The following METAP2 variants were observed in gnomAD, a reference collection of about 807,000 sequenced individuals.
METAP2 encodes methionyl aminopeptidase 2.
METAP2 carries 25 observed loss-of-function variants against 59.4 expected under a neutral mutation model. That is an observed-to-expected ratio of 0.42 (90% CI 0.31 to 0.59). The LOEUF (loss-of-function observed/expected upper bound fraction) is 0.59. Among genes scored for constraint, METAP2 ranks in the 20% least tolerant of loss-of-function variants. The pLI is 0.16. For synonymous variants in METAP2, 214 were observed against 194.1 expected (o/e 1.10, Z -0.85); for missense variants, 366 against 581.2 (o/e 0.63, Z 3.81).
chr12:95,486,903 T>A (rs1017381017), intron 4 of METAP2, among the ~76,000 whole-genome samples: 1 of 152,204 alleles, frequency 6.6e-6, no homozygotes, highest in African/African-American at 2.4e-5. Context: ...AAGGATACAT[T>A]TAAAATGGTT....
intron 4 of METAP2, among the ~76,000 whole-genome samples, chr12:95,493,731 T>G (rs1431538808): frequency 2.0e-5 from 3 of 152,220 alleles, no homozygotes; most frequent in Non-Finnish European, 4.4e-5. Flanking sequence ...AAGGATGACT[T>G]TTTCCTACTT....
intron 9 of METAP2, among the ~76,000 whole-genome samples, chr12:95,512,442 C>T (rs906823767): frequency 7.2e-5 from 11 of 152,194 alleles, no homozygotes; most frequent in Admixed American, 5.9e-4. Context: ...CTCGGTAGCT[C>T]AGGCCTGTTA....
At chr12:95,505,403 C>T (rs2076350612) in intron 8 of METAP2, among the ~76,000 whole-genome samples, 1 of 152,190 alleles carries the variant, frequency 6.6e-6, no homozygotes, top group Non-Finnish European at 1.5e-5. Flanking sequence ...TCTCGGCTCA[C>T]TGCAACCTTT....
chr12:95,488,511 CAAAAAAAAAAAA>C (rs537119415), intron 4 of METAP2, among the ~76,000 whole-genome samples: 107 of 76,558 alleles, frequency 1.4e-3, no homozygotes, highest in Admixed American at 3.1e-3. Context: ...TTTGTCTCAC[CAAAAAAAAAAAA>C]AAAAAAAAAA....
At chr12:95,501,220 G>A (rs924144990) in intron 7 of METAP2, among the ~76,000 whole-genome samples, 11 of 152,024 alleles carry the variant, frequency 7.2e-5, no homozygotes, top group Non-Finnish European at 1.5e-4. Flanking sequence ...TAGATACAGG[G>A]TCTTGCTGTC....
At chr12:95,502,981 C>T (rs1555192548) in intron 7 of METAP2, among the ~76,000 whole-genome samples, 1 of 124,128 alleles carries the variant, frequency 8.1e-6, no homozygotes, top group Non-Finnish European at 1.7e-5. Context: ...TCAATGTCTT[C>T]CTTTAATTTT....
chr12:95,512,930 C>A lies in METAP2; in HGVS notation c.1184+14C>A. The A allele has an allele frequency of 6.8e-7, 1 of 1,468,306 alleles. No individual in the cohort carries two copies. Among genetic ancestry groups the A allele is most frequent in the Non-Finnish European group, 9.5e-7 (1 of 1,051,430 alleles). 91.0% of individuals were successfully genotyped at this position (1,468,306 alleles called of 1,614,324 possible). ...TGTGCCAATAAGGTGAGAGACGAGA[C>A]GATTGATTTTATGTGGCTAATTAGC... On this transcript the variant is annotated intron_variant, in intron 10 of 10. Coordinates refer to ENST00000323666, the MANE Select transcript of METAP2 (RefSeq NM_006838.4).
chr12:95,488,804 G>A (rs982386100), intron 4 of METAP2, among the ~76,000 whole-genome samples: 1 of 151,770 alleles, frequency 6.6e-6, no homozygotes, highest in Non-Finnish European at 1.5e-5. Flanking sequence ...TTTCTTCTTA[G>A]GCTAATACTA....
intron 4 of METAP2, among the ~76,000 whole-genome samples, chr12:95,493,815 T>C (rs908963283): frequency 3.0e-4 from 45 of 152,264 alleles, no homozygotes; most frequent in Non-Finnish European, 1.5e-4. Flanking sequence ...TATTAGTTCC[T>C]CTGACTATGA....
chr12:95,510,720 T>C (rs910903717), intron 8 of METAP2, among the ~76,000 whole-genome samples: 2 of 152,188 alleles, frequency 1.3e-5, no homozygotes, highest in African/African-American at 4.8e-5. Context: ...GTGGGGTCAG[T>C]TTGCCAGGTC....
At chr12:95,489,622 T>C (rs908127424) in intron 4 of METAP2, among the ~76,000 whole-genome samples, 12 of 152,260 alleles carry the variant, frequency 7.9e-5, no homozygotes, top group African/African-American at 2.9e-4. Flanking sequence ...GAATGAATTA[T>C]CACAACTCAC....
At chr12:95,505,009 C>G (rs1247257374) in intron 8 of METAP2, among the ~76,000 whole-genome samples, 1 of 152,206 alleles carries the variant, frequency 6.6e-6, no homozygotes. Context: ...CATCCCCCAG[C>G]CACCATCCTC....
chr12:95,502,212 G>T (rs2076321765), intron 7 of METAP2, among the ~76,000 whole-genome samples: 1 of 151,728 alleles, frequency 6.6e-6, no homozygotes, highest in Non-Finnish European at 1.5e-5. Flanking sequence ...CACTTTGTTG[G>T]CCAGGCTGGT....
intron 2 of METAP2, among the ~76,000 whole-genome samples, chr12:95,480,147 G>A (rs562086244): frequency 3.9e-5 from 6 of 152,208 alleles, no homozygotes; most frequent in Non-Finnish European, 8.8e-5. Context: ...GGAATTATTC[G>A]GTATGTAGTT....
rs1050073687 is a variant in METAP2, at chr12:95,487,332, CAT to C, written c.428+1353_428+1354del. On this transcript the variant is annotated intron_variant, in intron 4 of 10. Transcript: ENST00000323666. ...AAAGACACCATTTTTTTTTTTAAAACATAGAAAAAAAGAAAGAACATACTGTT... is the reference window on the plus strand; with the variant it reads ...AAAGACACCATTTTTTTTTTTAAAACAGAAAAAAAGAAAGAACATACTGTT... Among the ~76,000 whole-genome samples the C allele has an allele frequency of 1.3e-4, 19 of 150,882 alleles. No individual in the cohort carries two copies. In the South Asian group the frequency reaches 1.3e-3, roughly 10 times the overall value.
intron 2 of METAP2, among the ~76,000 whole-genome samples, chr12:95,477,692 C>T (rs190583101): frequency 1.3e-5 from 2 of 152,290 alleles, no homozygotes. Context: ...TCAAGCACCA[C>T]CAGCCTGGGG....
intron 4 of METAP2, among the ~76,000 whole-genome samples, chr12:95,491,481 A>T (rs575446388): frequency 6.6e-6 from 1 of 152,124 alleles, no homozygotes; most frequent in African/African-American, 2.4e-5. Flanking sequence ...TAGAGGAAGG[A>T]TTTTATGTGA....
At chr12:95,482,565 T>C (rs929836831) in intron 2 of METAP2, among the ~76,000 whole-genome samples, 46 of 150,184 alleles carry the variant, frequency 3.1e-4, no homozygotes, top group African/African-American at 1.1e-3. Flanking sequence ...AATCACTTGA[T>C]GTCAGGAGTT....
At chr12:95,483,412 A>C (rs2076173563) in intron 3 of METAP2, 132 bp downstream of exon 3, 1 of 482,004 alleles carries the variant, frequency 2.1e-6, no homozygotes. Context: ...AGAGACGGAG[A>C]TTGCAGTAAG....
Sources: allele counts gnomAD v4.1 joint callset (sites outside exome capture counted in the v4.1 genomes callset), GRCh38; gene constraint gnomAD v4.1.1; transcripts MANE v1.5; gene names NCBI Gene and HGNC (gene_info 2026-07-23, HGNC 2026-07-21).